The following STK33 variants were observed in gnomAD, a reference collection of about 807,000 sequenced individuals.
STK33 encodes the protein serine/threonine kinase 33, also known as serine/threonine-protein kinase 33.
A neutral mutation model predicts 58.0 loss-of-function variants in STK33; 52 were observed. The ratio of observed to expected loss-of-function variants is 0.90; its 90% confidence interval spans 0.72 to 1.13. STK33 has a LOEUF of 1.13. Ranked by LOEUF, STK33 falls within the 50% of genes most tolerant of loss-of-function variation. The pLI, the probability that STK33 is intolerant of heterozygous loss-of-function variation, is 0.00. For missense variants in STK33, 630 were observed against 604.2 expected, an observed-to-expected ratio of 1.04 and a Z score of -0.45; for synonymous variants, 215 against 200.1, an observed-to-expected ratio of 1.07 and a Z score of -0.63.
At chr11:8,543,137 C>T (rs1017561876) in intron 1 of STK33, among the ~76,000 whole-genome samples, 6 of 152,068 alleles carry the variant, frequency 3.9e-5, no homozygotes, top group Non-Finnish European at 8.8e-5. Flanking sequence ...CAAATATGAC[C>T]AAAGAGATGA....
intron 1 of STK33, among the ~76,000 whole-genome samples, chr11:8,531,956 G>A (rs981911676): frequency 1.3e-5 from 2 of 152,188 alleles, no homozygotes; most frequent in Non-Finnish European, 2.9e-5. Context: ...TGCCACAGAA[G>A]AGATAAGAAA....
chr11:8,499,463 A>C (rs1008787354), intron 1 of STK33, among the ~76,000 whole-genome samples: 3 of 152,246 alleles, frequency 2.0e-5, no homozygotes, highest in Non-Finnish European at 4.4e-5. Flanking sequence ...GCGCTGTTAC[A>C]CTGTTGGTGG....
At chr11:8,508,017 A>G (rs1952001264) in intron 1 of STK33, among the ~76,000 whole-genome samples, 1 of 152,026 alleles carries the variant, frequency 6.6e-6, no homozygotes, top group African/African-American at 2.4e-5. Flanking sequence ...CAGCTTCCCA[A>G]GTAGCTGGGA....
intron 12 of STK33, among the ~76,000 whole-genome samples, chr11:8,437,061 T>C (rs939640855): frequency 1.1e-4 from 17 of 152,202 alleles, no homozygotes; most frequent in African/African-American, 4.1e-4. Flanking sequence ...CGGACACAAC[T>C]CATCAAAAAT....
the STK33 span, among the ~76,000 whole-genome samples, chr11:8,337,259 C>T: frequency 6.6e-6 from 1 of 152,216 alleles, no homozygotes; most frequent in Non-Finnish European, 1.5e-5. Flanking sequence ...TATTAAGTCG[C>T]CTGCGTGTGA....
At chr11:8,545,578 C>A (rs1955847126) in intron 1 of STK33, among the ~76,000 whole-genome samples, 1 of 152,160 alleles carries the variant, frequency 6.6e-6, no homozygotes, top group Non-Finnish European at 1.5e-5. Context: ...CAACAATTAA[C>A]TTACAAATTA....
At chr11:8,343,854 C>T in the STK33 span, among the ~76,000 whole-genome samples, 3 of 152,288 alleles carry the variant, frequency 2.0e-5, no homozygotes, top group South Asian at 2.1e-4. Context: ...ACCCCTCACC[C>T]GCTGCCAGCC....
At chr11:8,590,433 G>GATCA (rs5789582) in intron 1 of STK33, among the ~76,000 whole-genome samples, 116,436 of 151,602 alleles carry the variant, frequency 0.77, 44,981 homozygotes, top group Non-Finnish European at 0.81. Flanking sequence ...CAAAAATAAG[G>GATCA]ATAATAGTAT....
chr11:8,500,385 T>TTATAGAA (rs1274012453), intron 1 of STK33, among the ~76,000 whole-genome samples: 1 of 151,852 alleles, frequency 6.6e-6, no homozygotes. Flanking sequence ...TTTAGCAAGG[T>TTATAGAA]TATAGAAGAT....
chr11:8,408,983 C>T (rs1288525054), intron 15 of STK33, among the ~76,000 whole-genome samples: 1 of 152,158 alleles, frequency 6.6e-6, no homozygotes, highest in African/African-American at 2.4e-5. Context: ...TACCAAAATC[C>T]CAGACTCCCA....
chr11:8,448,432 G>C (rs1273872074), intron 11 of STK33, among the ~76,000 whole-genome samples: 1 of 152,150 alleles, frequency 6.6e-6, no homozygotes, highest in Non-Finnish European at 1.5e-5. Flanking sequence ...TCCCAAAATA[G>C]AGATATAGAC....
chr11:8,567,266 G>C (rs1005630577), intron 1 of STK33: 6 of 152,152 alleles, frequency 3.9e-5, no homozygotes, highest in African/African-American at 1.4e-4. Flanking sequence ...CCACTTTCTA[G>C]TTATGTAACG....
chr11:8,399,756 A>C (rs1276140795), intron 15 of STK33, among the ~76,000 whole-genome samples: 2 of 152,240 alleles, frequency 1.3e-5, no homozygotes, highest in Non-Finnish European at 2.9e-5. Context: ...AGAAGAATCA[A>C]ATAGATGCAA....
intron 1 of STK33, among the ~76,000 whole-genome samples, chr11:8,481,036 C>T (rs1949750401): frequency 6.6e-6 from 1 of 151,978 alleles, no homozygotes; most frequent in Non-Finnish European, 1.5e-5. Context: ...TCAAGAGTAC[C>T]GAGAGAGAGG....
chr11:8,422,602 C>T (rs1942089559), intron 14 of STK33, among the ~76,000 whole-genome samples: 3 of 152,048 alleles, frequency 2.0e-5, no homozygotes, highest in Admixed American at 6.6e-5. Context: ...TGAACTATTG[C>T]TTCAATTTAT....
the STK33 span, among the ~76,000 whole-genome samples, chr11:8,337,205 A>G: frequency 6.6e-6 from 1 of 152,242 alleles, no homozygotes; most frequent in Non-Finnish European, 1.5e-5. Context: ...AGATGTTCAA[A>G]GGCAAATCTA....
intron 1 of STK33, among the ~76,000 whole-genome samples, chr11:8,524,077 C>T (rs1289718644): frequency 6.6e-6 from 1 of 152,246 alleles, no homozygotes; most frequent in Non-Finnish European, 1.5e-5. Context: ...GGATTAAGGG[C>T]GGTGCAAGAT....
chr11:8,394,904 C>T (rs1849075965), intron 15 of STK33, among the ~76,000 whole-genome samples: 1 of 152,130 alleles, frequency 6.6e-6, no homozygotes, highest in Admixed American at 6.6e-5. Flanking sequence ...ATAGATAGTA[C>T]ATCCCCATGA....
At chr11:8,500,308 A>G (rs1345843635) in intron 1 of STK33, among the ~76,000 whole-genome samples, 1 of 150,270 alleles carries the variant, frequency 6.7e-6, no homozygotes, top group Non-Finnish European at 1.5e-5. Context: ...AAAAATCCTA[A>G]GGAATACATA....
Sources: gnomAD v4.1 joint callset for allele counts (sites outside exome capture counted in the v4.1 genomes callset) on GRCh38, gnomAD v4.1.1 for gene constraint, MANE v1.5 for transcripts, NCBI Gene and HGNC (gene_info 2026-07-23, HGNC 2026-07-21) for gene names.